TBC1D5: variants seen among roughly 807,000 people sequenced by gnomAD.
The protein encoded by TBC1D5 is TBC1 domain family, member 5.
A neutral mutation model predicts 100.3 loss-of-function variants in TBC1D5; 75 were observed. The ratio of observed to expected loss-of-function variants is 0.75; its 90% CI spans 0.62 to 0.91. The LOEUF is 0.91. TBC1D5 is among the 40% of genes least tolerant of loss of function. The probability of loss-of-function intolerance (pLI) is 0.00; values close to 1 mark genes in which losing one functional copy is unlikely to be tolerated. For synonymous variants in TBC1D5, 323 were observed against 325.6 expected (o/e 0.99, Z 0.09); for missense variants, 910 against 942.4 (o/e 0.97, Z 0.45).
At chr3:17,560,007 T>C (rs1011098292) in intron 2 of TBC1D5, among the ~76,000 whole-genome samples, 1 of 152,186 alleles carries the variant, frequency 6.6e-6, no homozygotes, top group African/African-American at 2.4e-5. Flanking sequence ...GATGAGTTAA[T>C]GGATGCAGGG....
chr3:17,235,248 G>A (rs1425472931), intron 17 of TBC1D5, among the ~76,000 whole-genome samples: 1 of 152,104 alleles, frequency 6.6e-6, no homozygotes, highest in Non-Finnish European at 1.5e-5. Context: ...TGTGAGTTTG[G>A]ATTACAAACA....
chr3:17,408,268 A>AACACACACACAC (rs3041146), intron 4 of TBC1D5, among the ~76,000 whole-genome samples: 28 of 144,110 alleles, frequency 1.9e-4, no homozygotes, highest in Middle Eastern at 3.5e-3. Context: ...AAGACTATCC[A>AACACACACACAC]ACACACACAC....
At chr3:17,547,310 T>C (rs892558129) in intron 2 of TBC1D5, among the ~76,000 whole-genome samples, 3 of 152,154 alleles carry the variant, frequency 2.0e-5, no homozygotes, top group Non-Finnish European at 4.4e-5. Context: ...ATCTTCTCAG[T>C]CTCAGAAGGG....
At chr3:17,495,670 C>G (rs770340810) in intron 3 of TBC1D5, among the ~76,000 whole-genome samples, 1 of 152,242 alleles carries the variant, frequency 6.6e-6, no homozygotes, top group Non-Finnish European at 1.5e-5. Context: ...AAAGCTTGCT[C>G]ACCATCTCCT....
intron 19 of TBC1D5, among the ~76,000 whole-genome samples, chr3:17,169,195 C>T (rs978467529): frequency 1.3e-5 from 2 of 152,150 alleles, no homozygotes; most frequent in Non-Finnish European, 2.9e-5. Flanking sequence ...CTGTCAATCT[C>T]CCCCTAACAG....
intron 13 of TBC1D5, among the ~76,000 whole-genome samples, chr3:17,366,536 G>A (rs1020306878): frequency 1.2e-4 from 19 of 152,168 alleles, no homozygotes; most frequent in African/African-American, 4.6e-4. Context: ...ATGAAAGCAA[G>A]CTATCATTGG....
At chr3:17,548,307 C>A (rs965884382) in intron 2 of TBC1D5, among the ~76,000 whole-genome samples, 2 of 152,110 alleles carry the variant, frequency 1.3e-5, no homozygotes, top group Non-Finnish European at 2.9e-5. Context: ...AAGCGAGACT[C>A]GGTCTCAAAA....
In TBC1D5 at chr3:17,238,402, G is replaced by A. The variant is rs777715071; in HGVS notation, c.1349C>T (p.Ala450Val). 29 of 1,612,620 alleles carry A rather than the reference G, an allele frequency of 1.8e-5. No individual in the cohort carries two copies. Among genetic ancestry groups the A allele is most frequent in the Non-Finnish European group, 2.4e-5 (28 of 1,179,366 alleles). Residue 450 changes from alanine (A) to valine (V), a missense_variant, in exon 17 of 22, where the codon GCT (alanine) becomes GTT (valine). Physicochemically the swap from Ala to Val is moderately conservative, Grantham distance 64 (BLOSUM62 0). Coordinates refer to ENST00000253692, the Ensembl canonical transcript of TBC1D5. Reference sequence around the variant, plus strand: ...AGAGACCTTATTTATATTCAGGGGAGCACCTTTGGCATTGGTCCTGTTAAA... The same window carrying A: ...AGAGACCTTATTTATATTCAGGGGAACACCTTTGGCATTGGTCCTGTTAAA...
At chr3:17,568,832 T>G (rs961669328) in intron 2 of TBC1D5, among the ~76,000 whole-genome samples, 4 of 151,770 alleles carry the variant, frequency 2.6e-5, no homozygotes, top group African/African-American at 4.8e-5. Context: ...TACTCATGTT[T>G]AAATGTTTAC....
chr3:17,741,776 G>A (rs927435484), upstream of TBC1D5, among the ~76,000 whole-genome samples: 1 of 150,846 alleles, frequency 6.6e-6, no homozygotes, highest in Non-Finnish European at 1.5e-5. Flanking sequence ...TCGGGGTGGG[G>A]AGCGGGATTT....
chr3:17,557,907 G>A (rs555708934), intron 2 of TBC1D5, among the ~76,000 whole-genome samples: 1 of 152,150 alleles, frequency 6.6e-6, no homozygotes. Context: ...TTCTGGGAAT[G>A]AGTCAATCCT....
intron 4 of TBC1D5, among the ~76,000 whole-genome samples, chr3:17,409,945 A>G (rs1400712655): frequency 6.6e-6 from 1 of 152,188 alleles, no homozygotes; most frequent in Non-Finnish European, 1.5e-5. Context: ...TCAAGCCAAG[A>G]TAACTGCTGA....
chr3:17,331,965 TTTTGG>T (rs2086926501), intron 13 of TBC1D5, among the ~76,000 whole-genome samples: 1 of 152,174 alleles, frequency 6.6e-6, no homozygotes, highest in South Asian at 2.1e-4. Context: ...AAAGAAGGAT[TTTTGG>T]ATACTGTTAC....
At chr3:17,614,480 T>C (rs1229203459) in intron 2 of TBC1D5, among the ~76,000 whole-genome samples, 2 of 152,246 alleles carry the variant, frequency 1.3e-5, no homozygotes, top group African/African-American at 4.8e-5. Context: ...CCCTGGGCAG[T>C]ATGACCATTT....
At chr3:17,239,320 G>A (rs2470583) in intron 16 of TBC1D5, among the ~76,000 whole-genome samples, 62,134 of 151,918 alleles carry the variant, frequency 0.41, 13,409 homozygotes, top group Middle Eastern at 0.49. Context: ...ACTTTCAGAG[G>A]TTGTTATTCC....
chr3:17,657,270 T>C (rs1278263267), intron 1 of TBC1D5, among the ~76,000 whole-genome samples: 1 of 151,838 alleles, frequency 6.6e-6, no homozygotes, highest in African/African-American at 2.4e-5. Flanking sequence ...ACTTCAACCT[T>C]TGGGCCCTTC....
intron 13 of TBC1D5, among the ~76,000 whole-genome samples, chr3:17,318,773 C>A (rs1331454761): frequency 4.6e-5 from 7 of 152,288 alleles, no homozygotes; most frequent in Middle Eastern, 3.4e-3. Context: ...TGGAGAATCA[C>A]AGGATTCGGA....
At chr3:17,237,951 T>C (rs1207499213) in intron 17 of TBC1D5, among the ~76,000 whole-genome samples, 1 of 147,356 alleles carries the variant, frequency 6.8e-6, no homozygotes, top group Non-Finnish European at 1.5e-5. Context: ...AAGTTGCAAG[T>C]ATACTAGGAT....
intron 3 of TBC1D5, among the ~76,000 whole-genome samples, chr3:17,501,700 T>C (rs1260426987): frequency 2.0e-5 from 3 of 149,460 alleles, no homozygotes; most frequent in Non-Finnish European, 4.4e-5. Context: ...ATCAACTTCC[T>C]TGCCTACTGT....
Sources: allele counts gnomAD v4.1 joint callset (sites outside exome capture counted in the v4.1 genomes callset), GRCh38; gene constraint gnomAD v4.1.1; transcripts MANE v1.5; gene names NCBI Gene and HGNC (gene_info 2026-07-23, HGNC 2026-07-21).